XPO4: variants seen among roughly 807,000 people sequenced by gnomAD.
XPO4 encodes the protein exportin-4.
XPO4 carries 39 observed loss-of-function variants against 143.0 expected under a neutral mutation model. The ratio of observed to expected loss-of-function variants is 0.27; its 90% confidence interval spans 0.21 to 0.36. The LOEUF is 0.36. XPO4 is among the 10% of genes least tolerant of loss of function. The pLI is 1.00. For missense variants in XPO4, 907 were observed against 1,348.0 expected, an observed-to-expected ratio of 0.67 and a Z score of 5.12; for synonymous variants, 439 against 474.0, an observed-to-expected ratio of 0.93 and a Z score of 0.96.
At chr13:20,798,127 A>G (rs1047182820) in intron 16 of XPO4, among the ~76,000 whole-genome samples, 1 of 152,172 alleles carries the variant, frequency 6.6e-6, no homozygotes, top group Non-Finnish European at 1.5e-5. Flanking sequence ...TGAGTGACAG[A>G]GCAAGACTCC....
intron 4 of XPO4, chr13:20,852,625 T>A: frequency 1.0e-6 from 1 of 954,496 alleles, no homozygotes; most frequent in Non-Finnish European, 1.2e-6. Context: ...TATATTTGAT[T>A]ATAATATTTT....
chr13:20,897,958 G>T (rs1320104909), intron 1 of XPO4, among the ~76,000 whole-genome samples: 1 of 152,072 alleles, frequency 6.6e-6, no homozygotes, highest in Admixed American at 6.6e-5. Flanking sequence ...TCGCCATGTT[G>T]GCCAGGCTGG....
At chr13:20,785,965 A>C (rs371010793) in intron 22 of XPO4, among the ~76,000 whole-genome samples, 1 of 124,528 alleles carries the variant, frequency 8.0e-6, no homozygotes, top group Non-Finnish European at 1.7e-5. Context: ...AGAAAAAAGA[A>C]AAGAAAAAGA....
At chr13:20,787,657 A>C (rs2059223442) in intron 20 of XPO4, 59 bp from the exon 21 acceptor site, 1 of 1,438,960 alleles carries the variant, frequency 6.9e-7, no homozygotes, top group African/African-American at 1.4e-5. Context: ...TAAAAGATAA[A>C]AAAATTATAG....
At chr13:20,900,354 A>ACTGCACTGCACGTGCAACTGCACTCTGTT (rs1389400481) in intron 1 of XPO4, among the ~76,000 whole-genome samples, 1 of 152,070 alleles carries the variant, frequency 6.6e-6, no homozygotes, top group Non-Finnish European at 1.5e-5. Context: ...ACTGCACTCC[A>ACTGCACTGCACGTGCAACTGCACTCTGTT]GCCTGGGCAA....
intron 4 of XPO4, chr13:20,848,243 G>C (rs1434825272): frequency 1.0e-6 from 1 of 980,156 alleles, no homozygotes; most frequent in Non-Finnish European, 1.2e-6. Flanking sequence ...TAAAATAAAT[G>C]ATAAATAAAA....
In XPO4 at chr13:20,863,199, C is replaced by T. The variant is rs1296564642; in HGVS notation, c.176-341G>A. 3.6e-6 allele frequency: 3 copies of T among 827,444 alleles called. No homozygotes were observed. The African/African-American group carries it at 5.5e-5, about 15-fold the overall frequency. The allele number at this position is 827,444 out of a possible 1,614,324, so 51.3% of individuals were successfully genotyped here. On this transcript the variant is annotated intron_variant, in intron 2 of 22. Coordinates refer to ENST00000255305, the MANE Select transcript of XPO4 (RefSeq NM_022459.5). ...TCAGAAAATTTCCTAAGATTCTCAC[C>T]CTGTGCAAAACAGAACTTTGTATCT...
At position 20,831,569 on chromosome 13, in the gene XPO4, C is replaced by T. The variant is rs2059852251; in HGVS notation, c.728-4390G>A. 2.0e-5 allele frequency among the ~76,000 whole-genome samples: 3 copies of T among 152,014 alleles called. No homozygotes were observed. In the South Asian group the frequency reaches 6.2e-4, roughly 31 times the overall value. Reference sequence around the variant, plus strand: ...ATTCAAGAATTTTCTTGGGCTATGGCTTTATATATTTTTCTAAAATAAATA... The same window carrying T: ...ATTCAAGAATTTTCTTGGGCTATGGTTTTATATATTTTTCTAAAATAAATA... On this transcript the variant is annotated intron_variant, in intron 6 of 22. Coordinates refer to ENST00000255305, the MANE Select transcript of XPO4 (RefSeq NM_022459.5).
At chr13:20,845,150 C>A (rs973747091) in intron 4 of XPO4, among the ~76,000 whole-genome samples, 2 of 152,186 alleles carry the variant, frequency 1.3e-5, no homozygotes, top group African/African-American at 4.8e-5. Context: ...CCAGCCTGGG[C>A]AACAGAGTAA....
intron 6 of XPO4, among the ~76,000 whole-genome samples, chr13:20,834,040 T>G (rs1199660200): frequency 6.6e-6 from 1 of 152,094 alleles, no homozygotes. Flanking sequence ...CAGAGTAACA[T>G]GGGGCTACAA....
chr13:20,808,659 G>A (rs1223243548), intron 11 of XPO4, 78 bp from the exon 12 acceptor site: 1 of 1,248,992 alleles, frequency 8.0e-7, no homozygotes, highest in Non-Finnish European at 1.1e-6. Flanking sequence ...CCATATATTA[G>A]ACAACATGAA....
intron 22 of XPO4, among the ~76,000 whole-genome samples, chr13:20,784,741 G>A (rs1712320514): frequency 6.6e-6 from 1 of 152,104 alleles, no homozygotes; most frequent in Non-Finnish European, 1.5e-5. Flanking sequence ...CCGGGAATTT[G>A]AGACCAGCCT....
At chr13:20,872,671 G>A (rs1489706917) in intron 1 of XPO4, among the ~76,000 whole-genome samples, 1 of 152,138 alleles carries the variant, frequency 6.6e-6, no homozygotes, top group Middle Eastern at 3.2e-3. Flanking sequence ...TACAGATGAG[G>A]AAACTGAGGT....
intron 9 of XPO4, among the ~76,000 whole-genome samples, chr13:20,816,282 T>C (rs1034066069): frequency 2.0e-5 from 3 of 152,206 alleles, no homozygotes; most frequent in Non-Finnish European, 4.4e-5. Context: ...TATTGGTATG[T>C]AGATTCTTTC....
intron 1 of XPO4, among the ~76,000 whole-genome samples, chr13:20,885,847 T>C (rs1266710072): frequency 6.6e-6 from 1 of 151,982 alleles, no homozygotes; most frequent in Non-Finnish European, 1.5e-5. Context: ...CTAATCAAAA[T>C]AAAGTTAATG....
At chr13:20,845,026 A>T (rs1476382476) in intron 4 of XPO4, among the ~76,000 whole-genome samples, 3 of 152,196 alleles carry the variant, frequency 2.0e-5, no homozygotes, top group Non-Finnish European at 2.9e-5. Flanking sequence ...CAAAAAAATC[A>T]GCTAGGCATG....
At chr13:20,798,522 A>G (rs958693369) in intron 16 of XPO4, among the ~76,000 whole-genome samples, 1 of 152,212 alleles carries the variant, frequency 6.6e-6, no homozygotes, top group Non-Finnish European at 1.5e-5. Flanking sequence ...TATTCAAGAC[A>G]GGAGAATATT....
chr13:20,852,069 G>A (rs1314721189), intron 4 of XPO4: 1 of 985,284 alleles, frequency 1.0e-6, no homozygotes, highest in Non-Finnish European at 1.2e-6. Context: ...CCGTCCCAGT[G>A]CCAACAAGCT....
chr13:20,821,312 A>T (rs2059716897), intron 9 of XPO4, among the ~76,000 whole-genome samples: 1 of 122,944 alleles, frequency 8.1e-6, no homozygotes, highest in African/African-American at 2.7e-5. Flanking sequence ...AAAATTCTCA[A>T]AAAAAAAAAA....
Sources: allele counts gnomAD v4.1 joint callset (sites outside exome capture counted in the v4.1 genomes callset), GRCh38; gene constraint gnomAD v4.1.1; transcripts MANE v1.5; gene names NCBI Gene and HGNC (gene_info 2026-07-23, HGNC 2026-07-21).